ENOX1: variants seen among roughly 807,000 people sequenced by gnomAD.
ENOX1 encodes the protein ecto-NOX disulfide-thiol exchanger 1, also known as candidate growth-related and time keeping constitutive hydroquinone (NADH) oxidase.
ENOX1 carries 42 observed loss-of-function variants against 82.5 expected under a neutral mutation model. The observed-to-expected ratio is 0.51, with a 90% CI of 0.40 to 0.66. The LOEUF is 0.66. Among genes scored for constraint, ENOX1 ranks in the 30% least tolerant of loss-of-function variants. ENOX1 has a pLI of 0.00. For synonymous variants in ENOX1, 271 were observed against 282.2 expected (o/e 0.96, Z 0.40); for missense variants, 608 against 811.6 (o/e 0.75, Z 3.05).
intron 1 of ENOX1, among the ~76,000 whole-genome samples, chr13:43,754,051 T>TATATAAATATATACGTATATAAATACAC (rs71099849): frequency 8.5e-6 from 1 of 117,780 alleles, no homozygotes; most frequent in African/African-American, 3.9e-5. Flanking sequence ...TAAATACACA[T>TATATAAATATATACGTATATAAATACAC]ATATATACAT....
intron 2 of ENOX1, among the ~76,000 whole-genome samples, chr13:43,565,133 T>C (rs989753769): frequency 4.6e-5 from 7 of 152,248 alleles, no homozygotes; most frequent in African/African-American, 1.7e-4. Context: ...GCAGGTGCTG[T>C]CATGGGGTGG....
intron 1 of ENOX1, among the ~76,000 whole-genome samples, chr13:43,761,564 G>C (rs1218229867): frequency 6.6e-6 from 1 of 152,190 alleles, no homozygotes; most frequent in African/African-American, 2.4e-5. Context: ...CTGGATGTCT[G>C]CTCACTTTTC....
At chr13:43,530,590 C>T (rs910960396) in intron 2 of ENOX1, among the ~76,000 whole-genome samples, 4 of 151,998 alleles carry the variant, frequency 2.6e-5, no homozygotes, top group South Asian at 2.1e-4. Flanking sequence ...GTAGAATAAA[C>T]CAGGTTGAGA....
At chr13:43,404,384 T>C (rs2053666733) in intron 5 of ENOX1, among the ~76,000 whole-genome samples, 1 of 152,198 alleles carries the variant, frequency 6.6e-6, no homozygotes, top group Admixed American at 6.5e-5. Flanking sequence ...GCTCCTTTCA[T>C]CTCAGGTCTT....
rs566510526 is a variant in ENOX1, at chr13:43,261,908, GCAGCGCAC to G, written c.1611+3482_1611+3489del. Among the ~76,000 whole-genome samples the G allele has an allele frequency of 1.9e-4, 28 of 150,238 alleles. 1 individual carries two copies. In the South Asian group the frequency reaches 5.9e-3, roughly 32 times the overall value. On this transcript the variant is annotated intron_variant, in intron 14 of 16. Transcript: ENST00000690772. Reference sequence around the variant, plus strand: ...AAGGCTAGATGACGAGTTAGTGGGTGCAGCGCACCAGCATGGCACATGTATACATATGT... The same window carrying G: ...AAGGCTAGATGACGAGTTAGTGGGTGCAGCATGGCACATGTATACATATGT...
intron 2 of ENOX1, among the ~76,000 whole-genome samples, chr13:43,596,935 C>T (rs946131882): frequency 1.3e-5 from 2 of 152,128 alleles, no homozygotes; most frequent in African/African-American, 2.4e-5. Context: ...TGTTCTCACA[C>T]GGCTCTAAAG....
intron 8 of ENOX1, among the ~76,000 whole-genome samples, chr13:43,355,480 G>C (rs533958658): frequency 7.0e-4 from 106 of 152,244 alleles, no homozygotes; most frequent in African/African-American, 2.6e-3. Context: ...TTAGGAGTCT[G>C]GTAAACATGC....
At chr13:43,418,028 G>A (rs2054733072) in intron 3 of ENOX1, among the ~76,000 whole-genome samples, 1 of 152,068 alleles carries the variant, frequency 6.6e-6, no homozygotes, top group African/African-American at 2.4e-5. Context: ...GACCAAAATG[G>A]TGAAACCCTG....
At chr13:43,399,112 T>C (rs1259453722) in intron 5 of ENOX1, among the ~76,000 whole-genome samples, 1 of 152,132 alleles carries the variant, frequency 6.6e-6, no homozygotes, top group Non-Finnish European at 1.5e-5. Flanking sequence ...CTTAATAACA[T>C]TTATTTTTCT....
chr13:43,528,578 C>A (rs1181899521), intron 2 of ENOX1, among the ~76,000 whole-genome samples: 2 of 151,844 alleles, frequency 1.3e-5, no homozygotes, highest in East Asian at 3.9e-4. Flanking sequence ...TTTTATTGTC[C>A]ATTTAAAAAA....
At chr13:43,683,346 C>T (rs779109793) in intron 1 of ENOX1, among the ~76,000 whole-genome samples, 1 of 152,100 alleles carries the variant, frequency 6.6e-6, no homozygotes, top group African/African-American at 2.4e-5. Flanking sequence ...GCAGTGTCTC[C>T]ACAGTTACAG....
chr13:43,642,536 T>C (rs1042196511), intron 2 of ENOX1, among the ~76,000 whole-genome samples: 1 of 152,162 alleles, frequency 6.6e-6, no homozygotes, highest in Non-Finnish European at 1.5e-5. Flanking sequence ...TCACTGACAC[T>C]AAGGTCATTT....
chr13:43,437,886 C>T (rs2056127175), intron 3 of ENOX1, among the ~76,000 whole-genome samples: 1 of 152,016 alleles, frequency 6.6e-6, no homozygotes, highest in East Asian at 1.9e-4. Context: ...TTAACAGAAA[C>T]AACACAGAAG....
At chr13:43,358,260 T>G (rs1325768447) in intron 7 of ENOX1, among the ~76,000 whole-genome samples, 1 of 152,162 alleles carries the variant, frequency 6.6e-6, no homozygotes, top group East Asian at 1.9e-4. Flanking sequence ...ACCTTCTCAT[T>G]TAATCAAGTA....
intron 5 of ENOX1, among the ~76,000 whole-genome samples, chr13:43,369,288 A>C (rs9533464): frequency 0.26 from 39,105 of 151,760 alleles, 5,461 homozygotes; most frequent in East Asian, 0.46. Flanking sequence ...CTGACATCTA[A>C]AAATTCTAAA....
chr13:43,661,749 G>A (rs1330850886), intron 2 of ENOX1, among the ~76,000 whole-genome samples: 1 of 152,150 alleles, frequency 6.6e-6, no homozygotes, highest in Admixed American at 6.6e-5. Flanking sequence ...GATACAGGCA[G>A]CCCAGTAAAA....
chr13:43,333,592 C>T (rs529101580), intron 9 of ENOX1, among the ~76,000 whole-genome samples: 61 of 152,208 alleles, frequency 4.0e-4, no homozygotes, highest in Non-Finnish European at 6.9e-4. Flanking sequence ...TACTAACTCC[C>T]TTAGTGGTTA....
chr13:43,342,293 C>T (rs547184154), intron 9 of ENOX1, among the ~76,000 whole-genome samples: 60 of 152,142 alleles, frequency 3.9e-4, no homozygotes, highest in African/African-American at 9.4e-4. Flanking sequence ...TGGGCCGAAT[C>T]GGGGTATATT....
intron 3 of ENOX1, among the ~76,000 whole-genome samples, chr13:43,423,578 T>C (rs1486982436): frequency 1.3e-5 from 2 of 152,232 alleles, no homozygotes; most frequent in South Asian, 2.1e-4. Flanking sequence ...GTGATGGGTG[T>C]GGCAGCTCAC....
Sources: gnomAD v4.1 joint callset for allele counts (sites outside exome capture counted in the v4.1 genomes callset) on GRCh38, gnomAD v4.1.1 for gene constraint, MANE v1.5 for transcripts, NCBI Gene and HGNC (gene_info 2026-07-23, HGNC 2026-07-21) for gene names.